The following GRK7 variants were observed in gnomAD, a reference collection of about 807,000 sequenced individuals.
The protein encoded by GRK7 is rhodopsin kinase GRK7.
Under a neutral mutation model 34.1 loss-of-function variants are expected in GRK7, and 24 were observed. The ratio of observed to expected loss-of-function variants is 0.70; its 90% CI spans 0.51 to 0.99. GRK7 has a LOEUF of 0.99. Among genes scored for constraint, GRK7 ranks in the 50% least tolerant of loss-of-function variants. The pLI, the probability that GRK7 is intolerant of heterozygous loss-of-function variation, is 0.00. For missense variants in GRK7, 644 were observed against 707.3 expected (o/e 0.91, Z 1.02); for synonymous variants, 256 against 279.4 (o/e 0.92, Z 0.84).
chr3:141,778,807 T>A lies in GRK7; in HGVS notation c.523T>A (p.Phe175Ile). ...CGTGACCAGCGCCTTCTACGACAAG[T>A]TTCTGCAGTGGAAACTCTTCGAGAT... ...DFVTSAFYDK[F>I]LQWKLFEMQP... Residue 175 changes from phenylalanine (F) to isoleucine (I), a missense_variant, in exon 3 of 6, where the codon TTT becomes ATT. Transcript: ENST00000682958. The surrounding 1 kb of genome is among the most constrained non-coding windows in gnomAD (Gnocchi z 4.1). 2 of 1,610,464 alleles carry A rather than the reference T, an allele frequency of 1.2e-6. No homozygotes were observed. The highest frequency in any genetic ancestry group is 8.5e-7 in the Non-Finnish European group (1 of 1,178,488).
At position 141,764,041 on chromosome 3, in the gene GRK7, T is replaced by G. The variant is rs1304771840; in HGVS notation, c.-1912T>G. On this transcript the variant is annotated 5_prime_UTR_variant, in exon 1 of 6. The change abolishes the stop of an existing upstream ORF in the 5' untranslated region. Transcript: ENST00000682958. The stretch of plus-strand genomic sequence containing the variant: ...TTCCTTCCCTAAAAACACCCAGCTT[T>G]GAGTCTCATGTGACTGGACTCCAGC... Among the ~76,000 whole-genome samples the G allele has an allele frequency of 2.0e-5, 3 of 152,198 alleles. No individual in the cohort carries two copies. Among genetic ancestry groups the G allele is most frequent in the Non-Finnish European group, 2.9e-5 (2 of 68,030 alleles).
At chr3:141,788,502 G>A (rs143286726) in intron 4 of GRK7, among the ~76,000 whole-genome samples, 19 of 152,276 alleles carry the variant, frequency 1.2e-4, no homozygotes, top group African/African-American at 4.1e-4. Flanking sequence ...AAATGGGGCT[G>A]TCCTCAGTGG....
upstream of GRK7, among the ~76,000 whole-genome samples, chr3:141,759,550 T>C (rs1275428241): frequency 1.2e-3 from 172 of 137,770 alleles, no homozygotes; most frequent in African/African-American, 4.5e-3. Context: ...CTGCTGGATT[T>C]GGTTTGCCAG....
the GRK7 span, among the ~76,000 whole-genome samples, chr3:141,756,026 AG>A: frequency 2.1e-5 from 3 of 146,332 alleles, no homozygotes; most frequent in Non-Finnish European, 3.0e-5. Flanking sequence ...AAAAAAAAAA[AG>A]ATGGCAAGCA....
chr3:141,813,208 C>T (rs1711111394), intron 5 of GRK7, among the ~76,000 whole-genome samples: 3 of 152,222 alleles, frequency 2.0e-5, no homozygotes, highest in African/African-American at 7.2e-5. Flanking sequence ...TCACTGCAAC[C>T]TTTGCCTCCC....
At chr3:141,771,411 A>G (rs966921764) in intron 1 of GRK7, among the ~76,000 whole-genome samples, 9 of 135,162 alleles carry the variant, frequency 6.7e-5, no homozygotes, top group African/African-American at 2.6e-4. Flanking sequence ...GTACATATGT[A>G]CTTAGAGAGT....
intron 4 of GRK7, among the ~76,000 whole-genome samples, chr3:141,787,984 T>A (rs1012514300): frequency 6.6e-6 from 1 of 152,224 alleles, no homozygotes; most frequent in Non-Finnish European, 1.5e-5. Flanking sequence ...CACTCCAGCC[T>A]GAGTGACAGA....
intron 4 of GRK7, among the ~76,000 whole-genome samples, chr3:141,807,434 G>C (rs1711046877): frequency 6.6e-6 from 1 of 152,110 alleles, no homozygotes; most frequent in Non-Finnish European, 1.5e-5. Context: ...GGCCAAAACG[G>C]GTCGCATGGC....
chr3:141,805,737 C>T (rs946531040), intron 4 of GRK7, among the ~76,000 whole-genome samples: 2 of 152,172 alleles, frequency 1.3e-5, no homozygotes, highest in African/African-American at 2.4e-5. Flanking sequence ...ATTTCTAAAG[C>T]ATTACATTAA....
intron 4 of GRK7, among the ~76,000 whole-genome samples, chr3:141,799,219 G>C (rs1008863731): frequency 6.6e-6 from 1 of 152,132 alleles, no homozygotes; most frequent in African/African-American, 2.4e-5. Flanking sequence ...GGGAAGAAGG[G>C]GACTCTACAA....
At chr3:141,782,205 G>A (rs984316475) in intron 4 of GRK7, among the ~76,000 whole-genome samples, 17 of 152,238 alleles carry the variant, frequency 1.1e-4, no homozygotes, top group African/African-American at 4.1e-4. Context: ...ATGGTAGGTG[G>A]GGACATCAGT....
rs11715715 is a variant in GRK7 at position 141,778,231 on chromosome 3, A to T, written c.-54A>T. On this transcript the variant is annotated 5_prime_UTR_variant, in exon 3 of 6. Transcript: ENST00000682958. This position sits in a 1 kb window ranked among gnomAD's most constrained non-coding sequence, Gnocchi z 4.1. ...TCTCACCCGGGAAGGGAAAGCAGCC[A>T]GCAGCCCTCCAGCCCTCTTGTGCTT... The T allele has an allele frequency of 1.3e-4, 190 of 1,515,426 alleles. No individual in the cohort carries two copies. The highest frequency in any genetic ancestry group is 3.8e-4 in the Admixed American group (17 of 44,918). 93.9% of individuals were successfully genotyped at this position (1,515,426 alleles called of 1,614,324 possible). A position where few individuals can be genotyped will look rare whatever the true frequency, so the allele number is the denominator to read the frequency against.
At chr3:141,799,287 C>T (rs1254828759) in intron 4 of GRK7, among the ~76,000 whole-genome samples, 3 of 152,152 alleles carry the variant, frequency 2.0e-5, no homozygotes, top group Non-Finnish European at 4.4e-5. Context: ...ACTTCACCTA[C>T]TTCTATAGAG....
chr3:141,787,636 A>G (rs2084703210), intron 4 of GRK7, among the ~76,000 whole-genome samples: 1 of 151,452 alleles, frequency 6.6e-6, no homozygotes, highest in Non-Finnish European at 1.5e-5. Flanking sequence ...AAAAAAAAAA[A>G]AAAAAATTAA....
rs1711165887 is a variant in GRK7, at chr3:141,817,416, A to C, written c.*366A>C. On this transcript the variant is annotated 3_prime_UTR_variant, in exon 6 of 6. Coordinates refer to ENST00000682958, the MANE Select transcript of GRK7 (RefSeq NM_139209.3). ...TGAGCATTTGCAATTCTTAGTAAAT[A>C]ATCATTTTAGTTTTTCTTTGTTTAT... The C allele has an allele frequency of 5.7e-6, 1 of 175,264 alleles. No homozygotes were observed. The highest frequency in any genetic ancestry group is 6.2e-5 in the Admixed American group (1 of 16,046). 10.9% of individuals were successfully genotyped at this position (175,264 alleles called of 1,614,324 possible). A position where few individuals can be genotyped will look rare whatever the true frequency, so the allele number is the denominator to read the frequency against.
intron 1 of GRK7, among the ~76,000 whole-genome samples, chr3:141,770,793 A>G (rs1204514033): frequency 1.3e-5 from 2 of 152,112 alleles, no homozygotes; most frequent in African/African-American, 4.8e-5. Flanking sequence ...ATGCTTATAC[A>G]CTTTTGAGGA....
chr3:141,780,666 G>C lies in GRK7; in HGVS notation c.905G>C (p.Cys302Ser). Residue 302 changes from cysteine to serine, a missense_variant, in exon 4 of 6, where the codon TGT becomes TCT. Physicochemically the swap from Cys to Ser is moderately radical, Grantham distance 112. Coordinates refer to ENST00000682958, the MANE Select transcript of GRK7 (RefSeq NM_139209.3). ...ATCTTTTACTCGGCCCAGATAGCCT[G>C]TGGGATGCTGCACCTCCATGAACTC... ...RVIFYSAQIA[C>S]GMLHLHELGI... 6.2e-7 allele frequency: 1 copy of C among 1,614,226 alleles called. No homozygotes were observed. The highest frequency in any genetic ancestry group is 8.5e-7 in the Non-Finnish European group (1 of 1,180,042).
At chr3:141,762,360 T>C (rs2084558976), upstream of GRK7, among the ~76,000 whole-genome samples, 6 of 147,104 alleles carry the variant, frequency 4.1e-5, no homozygotes, top group South Asian at 1.4e-3. Flanking sequence ...GCAGGTCTGT[T>C]GGAATACCCT....
chr3:141,814,014 C>T (rs1286656965), intron 5 of GRK7, among the ~76,000 whole-genome samples: 2 of 152,114 alleles, frequency 1.3e-5, no homozygotes, highest in South Asian at 2.1e-4. Flanking sequence ...TTGCCTTAGT[C>T]GTCTTGCTGG....
Sources: allele counts gnomAD v4.1 joint callset (sites outside exome capture counted in the v4.1 genomes callset), GRCh38; gene constraint gnomAD v4.1.1; non-coding constraint Gnocchi (gnomAD v3.1); transcripts MANE v1.5; gene names NCBI Gene and HGNC (gene_info 2026-07-23, HGNC 2026-07-21).